Variants in KDM7A observed in about 807,000 individuals in gnomAD.
KDM7A encodes the protein lysine demethylase 7A, also known as lysine-specific demethylase 7A.
Under a neutral mutation model 114.8 loss-of-function variants are expected in KDM7A, and 28 were observed. The ratio of observed to expected loss-of-function variants is 0.24; its 90% CI spans 0.18 to 0.33. KDM7A has a LOEUF of 0.33. Ranked by LOEUF, KDM7A falls within the 10% of genes least tolerant of loss-of-function variation. The pLI, the probability that KDM7A is intolerant of heterozygous loss-of-function variation, is 1.00. For synonymous variants in KDM7A, 423 were observed against 397.8 expected (o/e 1.06, Z -0.75); for missense variants, 942 against 1,142.5 (o/e 0.82, Z 2.53).
At chr7:140,165,394 C>T (rs118154483) in intron 1 of KDM7A, among the ~76,000 whole-genome samples, 1,714 of 152,290 alleles carry the variant, frequency 0.011, 20 homozygotes, top group Non-Finnish European at 0.019. Context: ...GCTATTTTCC[C>T]ACCAGGTTGT....
Position 140,091,833 on chromosome 7 carries a change from G to T in KDM7A, c.2702C>A (p.Pro901Gln). 1 of 1,612,010 alleles carries T rather than the reference G, an allele frequency of 6.2e-7. No homozygotes were observed. Among genetic ancestry groups the T allele is most frequent in the East Asian group, 2.2e-5 (1 of 44,868 alleles). ...LHPTKRPASN[P>Q]PPISNQATKG... is the part of the protein sequence containing the mutation. Reference sequence around the variant, plus strand: ...TGTTGCCTGGTTGCTGATAGGTGGTGGATTTGATGCCGGTCTCTTGGTGGG... The same window carrying T: ...TGTTGCCTGGTTGCTGATAGGTGGTTGATTTGATGCCGGTCTCTTGGTGGG... The change falls in exon 19 of 20, where the codon CCA (proline) becomes CAA (glutamine). Residue 901 changes from proline to glutamine, a missense_variant. By Grantham distance (76) the Pro-to-Gln change is moderately conservative. Transcript: ENST00000397560.
intron 2 of KDM7A, among the ~76,000 whole-genome samples, chr7:140,135,445 C>A (rs62491417): frequency 0.043 from 6,491 of 152,212 alleles, 184 homozygotes; most frequent in Non-Finnish European, 0.063. Flanking sequence ...TTGTGATCCG[C>A]CCACCTTGGC....
At chr7:140,117,847 A>G (rs929615321) in intron 9 of KDM7A, among the ~76,000 whole-genome samples, 11 of 152,200 alleles carry the variant, frequency 7.2e-5, no homozygotes, top group Non-Finnish European at 1.5e-4. Context: ...TTCTGGAGCA[A>G]AGACTGGTCT....
At position 140,088,583 on chromosome 7, in the gene KDM7A, T is replaced by C; in HGVS notation, c.*2511A>G. 1 of 398,108 alleles carries C rather than the reference T, an allele frequency of 2.5e-6. No individual in the cohort carries two copies. Among genetic ancestry groups the C allele is most frequent in the Non-Finnish European group, 4.4e-6 (1 of 225,632 alleles). 24.7% of individuals were successfully genotyped at this position (398,108 alleles called of 1,614,324 possible). A position where few individuals can be genotyped will look rare whatever the true frequency, so the allele number is the denominator to read the frequency against. On this transcript the variant is annotated 3_prime_UTR_variant, in exon 20 of 20. Coordinates refer to ENST00000397560, the MANE Select transcript of KDM7A (RefSeq NM_030647.2). ...TTCCATGAGATAAAGGGATGCATTA[T>C]GGCCAGTAATGTTATAAGACGTTTG...
intron 1 of KDM7A, among the ~76,000 whole-genome samples, chr7:140,159,883 C>A (rs1236939494): frequency 6.6e-6 from 1 of 151,474 alleles, no homozygotes; most frequent in Non-Finnish European, 1.5e-5. Flanking sequence ...TTCTACTAAG[C>A]CTCCTGCTTT....
intron 1 of KDM7A, among the ~76,000 whole-genome samples, chr7:140,155,840 C>G (rs935084518): frequency 6.6e-6 from 1 of 152,180 alleles, no homozygotes; most frequent in Non-Finnish European, 1.5e-5. Context: ...CAGACATGCT[C>G]TTCTTGAAAG....
intron 1 of KDM7A, among the ~76,000 whole-genome samples, chr7:140,153,643 GA>G (rs1319003466): frequency 6.6e-6 from 1 of 152,186 alleles, no homozygotes. Context: ...ACAGAGAAAT[GA>G]AAAAACAGTA....
In KDM7A at chr7:140,129,870, T is replaced by C. The variant is rs145737271; in HGVS notation, c.399-217A>G. ...AATGTAATATACACAATTCAATACA[T>C]ATAATTAGAAATATATATAAACTGG... On this transcript the variant is annotated intron_variant, in intron 3 of 19. Coordinates refer to ENST00000397560, the MANE Select transcript of KDM7A (RefSeq NM_030647.2). 1.2e-3 allele frequency among the ~76,000 whole-genome samples: 181 copies of C among 152,254 alleles called. 1 individual carries two copies. Among genetic ancestry groups the C allele is most frequent in the African/African-American group, 4.2e-3 (174 of 41,564 alleles).
At chr7:140,166,914 T>C (rs1357970729) in intron 1 of KDM7A, among the ~76,000 whole-genome samples, 1 of 152,068 alleles carries the variant, frequency 6.6e-6, no homozygotes. Context: ...TTCAGCAAAG[T>C]AGTAGAATAT....
At chr7:140,140,369 TA>T (rs1794252503) in intron 1 of KDM7A, among the ~76,000 whole-genome samples, 3 of 152,204 alleles carry the variant, frequency 2.0e-5, no homozygotes, top group East Asian at 3.8e-4. Flanking sequence ...TATGTTTGAT[TA>T]AAAAGTAAAT....
intron 3 of KDM7A, among the ~76,000 whole-genome samples, chr7:140,130,318 A>G (rs963226149): frequency 6.6e-6 from 1 of 152,146 alleles, no homozygotes; most frequent in African/African-American, 2.4e-5. Flanking sequence ...TAGAGTGTGC[A>G]TTAGAATAAA....
At position 140,091,071 on chromosome 7, in the gene KDM7A, G is replaced by A. The variant is rs978212363; in HGVS notation, c.*23C>T. Reference sequence around the variant, plus strand: ...CCCCTAGACTGGTCTCCAAAGGGAAGAATGGCTGCAACAGCAGCTCTGTCA... The same window carrying A: ...CCCCTAGACTGGTCTCCAAAGGGAAAAATGGCTGCAACAGCAGCTCTGTCA... On this transcript the variant is annotated 3_prime_UTR_variant, in exon 20 of 20. Coordinates refer to ENST00000397560, the MANE Select transcript of KDM7A (RefSeq NM_030647.2). 6 of 1,570,202 alleles carry A rather than the reference G, an allele frequency of 3.8e-6. No individual in the cohort carries two copies. In the African/African-American group the frequency reaches 4.1e-5, roughly 11 times the overall value.
chr7:140,140,895 T>C (rs1794264786), intron 1 of KDM7A, among the ~76,000 whole-genome samples: 2 of 152,184 alleles, frequency 1.3e-5, no homozygotes, highest in South Asian at 4.1e-4. Context: ...AGCTGTCATC[T>C]GCAAGTGCTA....
At position 140,114,978 on chromosome 7, in the gene KDM7A, C is replaced by A. The variant is rs567757274; in HGVS notation, c.1247-1396G>T. Among the ~76,000 whole-genome samples, 659 of 151,920 alleles carry A rather than the reference C, an allele frequency of 4.3e-3. 6 individuals carry two copies. Among genetic ancestry groups the A allele is most frequent in the African/African-American group, 0.015 (603 of 41,430 alleles). On this transcript the variant is annotated intron_variant, in intron 9 of 19. Coordinates refer to ENST00000397560, the MANE Select transcript of KDM7A (RefSeq NM_030647.2). ...ACTGAGGAGCCCCTCCGCCCGGCAG[C>A]CGCCCCATCCGGGAAGTGAGGAGCG...
At chr7:140,175,925 G>A (rs1227223340) in intron 1 of KDM7A, among the ~76,000 whole-genome samples, 1 of 151,732 alleles carries the variant, frequency 6.6e-6, no homozygotes, top group Non-Finnish European at 1.5e-5. Context: ...CAACGCAGGG[G>A]GTCCGGAGAA....
chr7:140,096,542 T>G lies in KDM7A; in HGVS notation c.2374+13A>C. The G allele has an allele frequency of 6.2e-7, 1 of 1,600,878 alleles. No individual in the cohort carries two copies. The highest frequency in any genetic ancestry group is 8.6e-7 in the Non-Finnish European group (1 of 1,168,006). On this transcript the variant is annotated intron_variant, in intron 17 of 19. Transcript: ENST00000397560. ...ATGTTACTTTTTAGAGACTGATAAT[T>G]TATGTTTCTTACCACATTCCACTGG... is the stretch of plus-strand genomic sequence containing the variant.
chr7:140,095,702 G>A (rs1485357364), intron 17 of KDM7A: 1 of 229,396 alleles, frequency 4.4e-6, no homozygotes, highest in Admixed American at 5.4e-5. Context: ...ACATAGGTGA[G>A]ACCTCGTCTC....
At chr7:140,110,568 CTTTA>C (rs1381059925) in intron 11 of KDM7A, among the ~76,000 whole-genome samples, 1 of 152,142 alleles carries the variant, frequency 6.6e-6, no homozygotes, top group Non-Finnish European at 1.5e-5. Flanking sequence ...TGAAGAATTA[CTTTA>C]AAACACCCTT....
At chr7:140,093,075 A>C (rs1180968161) in intron 18 of KDM7A, among the ~76,000 whole-genome samples, 1 of 152,240 alleles carries the variant, frequency 6.6e-6, no homozygotes, top group African/African-American at 2.4e-5. Context: ...AAATTTAAAA[A>C]ATTAATAAAA....
Sources: allele counts gnomAD v4.1 joint callset (sites outside exome capture counted in the v4.1 genomes callset), GRCh38; gene constraint gnomAD v4.1.1; transcripts MANE v1.5; gene names NCBI Gene and HGNC (gene_info 2026-07-23, HGNC 2026-07-21).